Variants in CBLB observed in about 807,000 individuals in gnomAD.
CBLB encodes Cbl proto-oncogene B.
CBLB carries 31 observed loss-of-function variants against 104.9 expected under a neutral mutation model. That is an observed-to-expected ratio of 0.30 (90% CI 0.22 to 0.40). CBLB has a LOEUF of 0.40. CBLB is among the 10% of genes least tolerant of loss of function. CBLB has a pLI of 1.00. For synonymous variants in CBLB, 440 were observed against 422.6 expected (o/e 1.04, Z -0.51); for missense variants, 1,062 against 1,214.6 (o/e 0.87, Z 1.87).
chr3:105,839,170 A>T (rs1269801589), intron 3 of CBLB, among the ~76,000 whole-genome samples: 1 of 152,212 alleles, frequency 6.6e-6, no homozygotes, highest in East Asian at 1.9e-4. Flanking sequence ...TTTAGCAGGC[A>T]TTATATAAAG....
intron 3 of CBLB, among the ~76,000 whole-genome samples, chr3:105,811,854 C>A (rs916391211): frequency 6.6e-6 from 1 of 152,040 alleles, no homozygotes; most frequent in African/African-American, 2.4e-5. Context: ...GGATTACAGG[C>A]GCCTGCCACT....
At chr3:105,751,290 T>G (rs1947000) in intron 5 of CBLB, among the ~76,000 whole-genome samples, 172 bp downstream of exon 5, 17,895 of 152,208 alleles carry the variant, frequency 0.12, 1,283 homozygotes, top group East Asian at 0.41. Context: ...TCTAAACTTT[T>G]AACAATGACC....
intron 10 of CBLB, among the ~76,000 whole-genome samples, chr3:105,712,382 T>C (rs985099938): frequency 6.6e-6 from 1 of 152,146 alleles, no homozygotes; most frequent in African/African-American, 2.4e-5. Flanking sequence ...CTCAGCTGCA[T>C]AACCAATTTT....
At chr3:105,805,596 C>T (rs184596258) in intron 3 of CBLB, among the ~76,000 whole-genome samples, 69 of 152,104 alleles carry the variant, frequency 4.5e-4, no homozygotes, top group African/African-American at 1.6e-3. Context: ...ATGAGCCACC[C>T]CACCCAGCCG....
At chr3:105,821,777 CA>C (rs2085899233) in intron 3 of CBLB, among the ~76,000 whole-genome samples, 1 of 152,180 alleles carries the variant, frequency 6.6e-6, no homozygotes, top group African/African-American at 2.4e-5. Context: ...TTCACCATTT[CA>C]TATCTTTACC....
intron 8 of CBLB, 62 bp downstream of exon 8, chr3:105,737,109 T>C (rs964042916): frequency 1.3e-6 from 1 of 796,910 alleles, no homozygotes; most frequent in South Asian, 1.7e-5. Context: ...AAGAGAGTCT[T>C]ATTTATTTCA....
chr3:105,823,243 C>T (rs1298762032), intron 3 of CBLB, among the ~76,000 whole-genome samples: 1 of 152,116 alleles, frequency 6.6e-6, no homozygotes, highest in Non-Finnish European at 1.5e-5. Flanking sequence ...TTAGGATCAG[C>T]GTCTCTGACA....
intron 3 of CBLB, among the ~76,000 whole-genome samples, chr3:105,829,326 G>A: frequency 6.6e-6 from 1 of 151,980 alleles, no homozygotes; most frequent in Non-Finnish European, 1.5e-5. Context: ...AAGATGTTTT[G>A]TCACAGTAAA....
At chr3:105,738,684 T>C (rs1002112895) in intron 7 of CBLB, among the ~76,000 whole-genome samples, 1 of 152,102 alleles carries the variant, frequency 6.6e-6, no homozygotes, top group Non-Finnish European at 1.5e-5. Context: ...TAGGTTCTAC[T>C]TATAAATTCA....
intron 3 of CBLB, among the ~76,000 whole-genome samples, chr3:105,836,190 G>A (rs1454852472): frequency 6.6e-6 from 1 of 152,140 alleles, no homozygotes; most frequent in African/African-American, 2.4e-5. Context: ...AAAAGGTTAT[G>A]ACAGCTCTGT....
chr3:105,685,195 A>C, intron 14 of CBLB, 125 bp downstream of exon 14: 2 of 836,590 alleles, frequency 2.4e-6, no homozygotes, highest in Non-Finnish European at 4.1e-6. Flanking sequence ...TATAATAGGA[A>C]GAGAAGGATT....
At chr3:105,761,809 C>G (rs1350606748) in intron 4 of CBLB, among the ~76,000 whole-genome samples, 1 of 152,100 alleles carries the variant, frequency 6.6e-6, no homozygotes, top group Non-Finnish European at 1.5e-5. Flanking sequence ...GAGGTTGGAA[C>G]AGTTTGGAGG....
At chr3:105,852,538 A>T (rs181671543) in intron 3 of CBLB, among the ~76,000 whole-genome samples, 13 of 152,340 alleles carry the variant, frequency 8.5e-5, no homozygotes, top group Non-Finnish European at 1.8e-4. Context: ...TAAATGTGAC[A>T]GTAGGCTGTT....
chr3:105,773,375 G>C (rs1406087371), intron 4 of CBLB, among the ~76,000 whole-genome samples: 1 of 152,164 alleles, frequency 6.6e-6, no homozygotes, highest in Non-Finnish European at 1.5e-5. Context: ...ATGGACTTTG[G>C]GGTCGTGGTG....
At chr3:105,739,669 C>T (rs1466096303) in intron 7 of CBLB, among the ~76,000 whole-genome samples, 1 of 151,832 alleles carries the variant, frequency 6.6e-6, no homozygotes, top group Non-Finnish European at 1.5e-5. Flanking sequence ...ATAAACTAAA[C>T]TTAGCTATTA....
chr3:105,806,201 C>G (rs1373647858), intron 3 of CBLB, among the ~76,000 whole-genome samples: 1 of 151,960 alleles, frequency 6.6e-6, no homozygotes, highest in Non-Finnish European at 1.5e-5. Context: ...GGTTTAAAAA[C>G]TCAGAAATTC....
intron 4 of CBLB, among the ~76,000 whole-genome samples, chr3:105,763,888 T>C (rs2077938449): frequency 6.6e-6 from 1 of 152,194 alleles, no homozygotes; most frequent in African/African-American, 2.4e-5. Flanking sequence ...GAGCAGTGGC[T>C]AGAGTACCAG....
At chr3:105,827,208 A>T (rs746855725) in intron 3 of CBLB, among the ~76,000 whole-genome samples, 2 of 134,922 alleles carry the variant, frequency 1.5e-5, no homozygotes, top group Non-Finnish European at 3.2e-5. Flanking sequence ...GCTGTCATTC[A>T]GTGAAGCTAT....
intron 18 of CBLB, among the ~76,000 whole-genome samples, chr3:105,661,098 C>T (rs574141944): frequency 6.6e-5 from 10 of 151,972 alleles, no homozygotes; most frequent in East Asian, 3.9e-4. Context: ...CCACCACGTC[C>T]GGCCATGATG....
Sources: gnomAD v4.1 joint callset for allele counts (sites outside exome capture counted in the v4.1 genomes callset) on GRCh38, gnomAD v4.1.1 for gene constraint, MANE v1.5 for transcripts, NCBI Gene and HGNC (gene_info 2026-07-23, HGNC 2026-07-21) for gene names.